The following ST6GALNAC3 variants were observed in gnomAD, a reference collection of about 807,000 sequenced individuals.
ST6GALNAC3 encodes the protein ST6 N-acetylgalactosaminide alpha-2,6-sialyltransferase 3.
In ST6GALNAC3, 25 loss-of-function variants were observed where a neutral mutation model predicts 32.7. The ratio of observed to expected loss-of-function variants is 0.76; its 90% CI spans 0.56 to 1.07. The LOEUF is 1.07. ST6GALNAC3 is among the 50% of genes least tolerant of loss of function. The pLI, the probability that ST6GALNAC3 is intolerant of heterozygous loss-of-function variation, is 0.00. For synonymous variants in ST6GALNAC3, 129 were observed against 133.1 expected, an observed-to-expected ratio of 0.97 and a Z score of 0.21; for missense variants, 355 against 382.4, an observed-to-expected ratio of 0.93 and a Z score of 0.60.
At chr1:76,120,738 G>T (rs1196557124) in intron 1 of ST6GALNAC3, among the ~76,000 whole-genome samples, 1 of 152,190 alleles carries the variant, frequency 6.6e-6, no homozygotes, top group East Asian at 1.9e-4. Flanking sequence ...TTTCTCTGAA[G>T]AGCACTGATG....
intron 3 of ST6GALNAC3, among the ~76,000 whole-genome samples, chr1:76,437,432 A>G (rs890081525): frequency 2.0e-5 from 3 of 152,060 alleles, no homozygotes; most frequent in Non-Finnish European, 2.9e-5. Flanking sequence ...TTGTTCTTAT[A>G]ATCAAATGTG....
intron 3 of ST6GALNAC3, among the ~76,000 whole-genome samples, chr1:76,421,748 T>G (rs1199784945): frequency 1.3e-5 from 2 of 152,052 alleles, no homozygotes; most frequent in Non-Finnish European, 2.9e-5. Context: ...GTTGTGTCTT[T>G]CAACCAACTG....
At chr1:76,486,499 C>G (rs1476120163) in intron 3 of ST6GALNAC3, among the ~76,000 whole-genome samples, 3 of 151,958 alleles carry the variant, frequency 2.0e-5, no homozygotes, top group South Asian at 2.1e-4. Context: ...TGTCTCTTTT[C>G]GTCTTTGTTG....
chr1:76,448,453 A>G (rs543241857), intron 3 of ST6GALNAC3, among the ~76,000 whole-genome samples: 1 of 152,300 alleles, frequency 6.6e-6, no homozygotes, highest in Non-Finnish European at 1.5e-5. Context: ...TTGGGAAGGC[A>G]TGATTAGTTT....
intron 1 of ST6GALNAC3, among the ~76,000 whole-genome samples, chr1:76,291,074 C>T (rs1273551462): frequency 2.0e-5 from 3 of 152,060 alleles, no homozygotes; most frequent in Non-Finnish European, 4.4e-5. Flanking sequence ...CCTATGAAAC[C>T]GGCTTGTTTT....
chr1:76,590,616 T>C (rs1023865816), intron 3 of ST6GALNAC3, among the ~76,000 whole-genome samples: 1 of 152,204 alleles, frequency 6.6e-6, no homozygotes, highest in Non-Finnish European at 1.5e-5. Context: ...TTTAAACCCA[T>C]ATTTAAAATT....
At chr1:76,388,653 T>C (rs148521120) in intron 2 of ST6GALNAC3, among the ~76,000 whole-genome samples, 6 of 152,280 alleles carry the variant, frequency 3.9e-5, no homozygotes, top group Admixed American at 2.0e-4. Context: ...CTCCGTAATA[T>C]CCACTGGCAT....
chr1:76,370,208 T>C (rs1218989974), intron 2 of ST6GALNAC3, among the ~76,000 whole-genome samples: 1 of 152,114 alleles, frequency 6.6e-6, no homozygotes, highest in Non-Finnish European at 1.5e-5. Flanking sequence ...GTGTTGCAAA[T>C]AAAAATTAGT....
Position 76,479,002 on chromosome 1 carries a change from A to G in ST6GALNAC3, c.623+66585A>G, listed in dbSNP as rs1324177746. 2.6e-5 allele frequency among the ~76,000 whole-genome samples: 4 copies of G among 152,056 alleles called. No individual in the cohort carries two copies. In the East Asian group the frequency reaches 7.8e-4, roughly 30 times the overall value. Reference sequence around the variant, plus strand: ...ATGGTCTCGATCTCCTGACCTTGTGATCTGCCCACCTTGGCCTCCCAAAGT... The same window carrying G: ...ATGGTCTCGATCTCCTGACCTTGTGGTCTGCCCACCTTGGCCTCCCAAAGT... On this transcript the variant is annotated intron_variant, in intron 3 of 4. Transcript: ENST00000328299.
intron 2 of ST6GALNAC3, among the ~76,000 whole-genome samples, chr1:76,351,698 T>C (rs1648989954): frequency 6.6e-6 from 1 of 152,184 alleles, no homozygotes; most frequent in Non-Finnish European, 1.5e-5. Flanking sequence ...TAATCATATA[T>C]CCCAGTTGCC....
intron 1 of ST6GALNAC3, among the ~76,000 whole-genome samples, chr1:76,088,229 C>A (rs1470552072): frequency 6.6e-6 from 1 of 152,138 alleles, no homozygotes; most frequent in Non-Finnish European, 1.5e-5. Flanking sequence ...TTGACCCTGG[C>A]ATCTATAACA....
chr1:76,475,324 T>C (rs1228827834), intron 3 of ST6GALNAC3, among the ~76,000 whole-genome samples: 1 of 152,106 alleles, frequency 6.6e-6, no homozygotes, highest in Non-Finnish European at 1.5e-5. Flanking sequence ...GGATACAATA[T>C]CAACTCCTAA....
intron 3 of ST6GALNAC3, among the ~76,000 whole-genome samples, chr1:76,449,704 T>C (rs1477844272): frequency 6.6e-6 from 1 of 152,276 alleles, no homozygotes; most frequent in Non-Finnish European, 1.5e-5. Context: ...GTTATCTGTG[T>C]ATCTTAATTG....
intron 3 of ST6GALNAC3, among the ~76,000 whole-genome samples, chr1:76,413,448 A>G (rs953339163): frequency 6.6e-6 from 1 of 152,170 alleles, no homozygotes; most frequent in African/African-American, 2.4e-5. Flanking sequence ...GTATTTCACT[A>G]TTCAATATTA....
chr1:76,511,934 T>C (rs927020331), intron 3 of ST6GALNAC3, among the ~76,000 whole-genome samples: 5 of 152,226 alleles, frequency 3.3e-5, no homozygotes, highest in Admixed American at 1.3e-4. Context: ...AGCTCTCTTC[T>C]AACTGTTCCT....
At chr1:76,458,910 A>G (rs1397038480) in intron 3 of ST6GALNAC3, among the ~76,000 whole-genome samples, 1 of 152,102 alleles carries the variant, frequency 6.6e-6, no homozygotes, top group East Asian at 1.9e-4. Flanking sequence ...AAAAAAAGAA[A>G]AAAGGAAAAA....
rs140738842 is a variant in ST6GALNAC3, at chr1:76,201,141, A to C, written c.19-112664A>C. On this transcript the variant is annotated intron_variant, in intron 1 of 4. Transcript: ENST00000328299. ...GAAAGCAAAAGAGAGTTAATCATTG[A>C]GTTGTGTATTAGTCTGTTCTCTCAC... 2.8e-3 allele frequency among the ~76,000 whole-genome samples: 429 copies of C among 152,294 alleles called. 1 individual carries two copies. Among genetic ancestry groups the C allele is most frequent in the Non-Finnish European group, 4.8e-3 (329 of 68,020 alleles).
chr1:76,226,567 A>G (rs1007805548), intron 1 of ST6GALNAC3, among the ~76,000 whole-genome samples: 1 of 152,172 alleles, frequency 6.6e-6, no homozygotes, highest in Admixed American at 6.5e-5. Flanking sequence ...TTGGCTCACT[A>G]TTCTGCAGGC....
At chr1:76,297,768 C>T (rs1017919441) in intron 1 of ST6GALNAC3, among the ~76,000 whole-genome samples, 1 of 151,986 alleles carries the variant, frequency 6.6e-6, no homozygotes, top group African/African-American at 2.4e-5. Context: ...AATGGTACTG[C>T]AATTTTATCA....
Sources: gnomAD v4.1 joint callset for allele counts (sites outside exome capture counted in the v4.1 genomes callset) on GRCh38, gnomAD v4.1.1 for gene constraint, MANE v1.5 for transcripts, NCBI Gene and HGNC (gene_info 2026-07-23, HGNC 2026-07-21) for gene names.